The following SLC35D1 variants were observed in gnomAD, a reference collection of about 807,000 sequenced individuals.
The protein encoded by SLC35D1 is solute carrier family 35 member D1.
In SLC35D1, 31 loss-of-function variants were observed where a neutral mutation model predicts 46.7. The observed-to-expected ratio is 0.66, with a 90% CI of 0.50 to 0.90. The LOEUF is 0.90. SLC35D1 is among the 40% of genes least tolerant of loss of function. The probability of loss-of-function intolerance (pLI) is 0.00; values close to 1 mark genes in which losing one functional copy is unlikely to be tolerated. For missense variants in SLC35D1, 397 were observed against 426.2 expected (o/e 0.93, Z 0.60); for synonymous variants, 195 against 164.6 (o/e 1.18, Z -1.41).
chr1:67,026,656 T>C (rs1188094901), intron 8 of SLC35D1, among the ~76,000 whole-genome samples: 1 of 152,214 alleles, frequency 6.6e-6, no homozygotes, highest in African/African-American at 2.4e-5. Context: ...ATAGCCCTAT[T>C]ATTAATTAAG....
At chr1:67,016,175 A>G (rs1399644536) in intron 10 of SLC35D1, among the ~76,000 whole-genome samples, 1 of 152,068 alleles carries the variant, frequency 6.6e-6, no homozygotes, top group African/African-American at 2.4e-5. Context: ...AAAGATTTGA[A>G]ATGTCTTCAG....
chr1:67,043,326 T>C (rs772233774), intron 7 of SLC35D1, among the ~76,000 whole-genome samples: 1 of 152,006 alleles, frequency 6.6e-6, no homozygotes, highest in Non-Finnish European at 1.5e-5. Context: ...AGAACGAGAT[T>C]GTGCCCCTGT....
chr1:67,025,889 T>C (rs1667904301), intron 8 of SLC35D1, among the ~76,000 whole-genome samples: 1 of 152,228 alleles, frequency 6.6e-6, no homozygotes, highest in African/African-American at 2.4e-5. Context: ...TTTTTGCATA[T>C]TGACCTTGTA....
intron 7 of SLC35D1, among the ~76,000 whole-genome samples, chr1:67,044,005 CA>C (rs1463797896): frequency 6.6e-6 from 1 of 152,122 alleles, no homozygotes; most frequent in East Asian, 1.9e-4. Flanking sequence ...TCAAAAGCAG[CA>C]CTGAAAAATT....
Position 67,049,273 on chromosome 1 carries a change from G to A in SLC35D1, c.533+509C>T, listed in dbSNP as rs377257174. 1.5e-4 allele frequency among the ~76,000 whole-genome samples: 22 copies of A among 150,074 alleles called. No individual in the cohort carries two copies. The East Asian group carries it at 3.7e-3, about 25-fold the overall frequency. On this transcript the variant is annotated intron_variant, in intron 6 of 11. Coordinates refer to ENST00000235345, the MANE Select transcript of SLC35D1 (RefSeq NM_015139.3). ...CCCACTACTGGACTCCAGCCTGGGC[G>A]ACAGAGCAAGACTCCGTCTCAAAAA...
rs1478187638 is a variant in SLC35D1, at chr1:66,999,574, CAGCAT to C, written c.*4761_*4765del. ...CTGTAGACAAAAATCAGTTGATCATCAGCATGAGAAAGAAAACATTTGTGAAAAAA... is the reference window on the plus strand; with the variant it reads ...CTGTAGACAAAAATCAGTTGATCATCGAGAAAGAAAACATTTGTGAAAAAA... On this transcript the variant is annotated 3_prime_UTR_variant, in exon 12 of 12. Transcript: ENST00000235345. 1 of 152,020 alleles carries C rather than the reference CAGCAT, an allele frequency of 6.6e-6. No homozygotes were observed. The allele number at this position is 152,020 out of a possible 1,614,324, so 9.4% of individuals were successfully genotyped here. A position where few individuals can be genotyped will look rare whatever the true frequency, so the allele number is the denominator to read the frequency against.
chr1:67,049,617 A>G (rs1558167608), intron 6 of SLC35D1, among the ~76,000 whole-genome samples, 165 bp downstream of exon 6: 1 of 152,260 alleles, frequency 6.6e-6, no homozygotes, highest in Non-Finnish European at 1.5e-5. Context: ...GTCAACCTTT[A>G]TCTTAATACA....
intron 10 of SLC35D1, among the ~76,000 whole-genome samples, chr1:67,019,227 T>G (rs1667748348): frequency 6.6e-6 from 1 of 152,224 alleles, no homozygotes; most frequent in South Asian, 2.1e-4. Context: ...ATTTCTCACA[T>G]TCTCGCTACT....
intron 11 of SLC35D1, among the ~76,000 whole-genome samples, chr1:67,005,752 C>T (rs1667435117): frequency 6.6e-6 from 1 of 152,150 alleles, no homozygotes; most frequent in Admixed American, 6.5e-5. Flanking sequence ...GGCCAGAATA[C>T]AACCTAGGTC....
chr1:66,991,865 C>T, the SLC35D1 span, among the ~76,000 whole-genome samples: 1 of 151,590 alleles, frequency 6.6e-6, no homozygotes, highest in Non-Finnish European at 1.5e-5. Flanking sequence ...CAAGATTTCT[C>T]CTCTTCATCT....
chr1:66,973,956 C>T, the SLC35D1 span, among the ~76,000 whole-genome samples: 1 of 152,030 alleles, frequency 6.6e-6, no homozygotes, highest in Non-Finnish European at 1.5e-5. Flanking sequence ...TCTTTTTATA[C>T]ATTTGGATGT....
At chr1:67,034,048 A>AT (rs1268369112) in intron 8 of SLC35D1, among the ~76,000 whole-genome samples, 1 of 152,174 alleles carries the variant, frequency 6.6e-6, no homozygotes, top group Non-Finnish European at 1.5e-5. Flanking sequence ...TCACTGATCT[A>AT]TATGTCTGTT....
At chr1:67,021,744 CA>C in intron 8 of SLC35D1, 142 bp from the exon 9 acceptor site, 1 of 712,824 alleles carries the variant, frequency 1.4e-6, no homozygotes, top group Non-Finnish European at 2.5e-6. Flanking sequence ...CACACACACA[CA>C]CACACACACA....
intron 8 of SLC35D1, among the ~76,000 whole-genome samples, chr1:67,038,418 A>G (rs1185826999): frequency 6.6e-6 from 1 of 152,092 alleles, no homozygotes; most frequent in African/African-American, 2.4e-5. Context: ...TATACAGCGT[A>G]CCACAGAACT....
chr1:66,975,356 A>G, the SLC35D1 span, among the ~76,000 whole-genome samples: 1 of 152,028 alleles, frequency 6.6e-6, no homozygotes, highest in Non-Finnish European at 1.5e-5. Context: ...GCAAAACCCC[A>G]TCTCTACAAA....
the SLC35D1 span, chr1:66,986,769 C>G: frequency 7.5e-6 from 2 of 265,182 alleles, no homozygotes; most frequent in African/African-American, 2.2e-5. Flanking sequence ...TTTTGTTTTA[C>G]TTAAAACTTT....
At chr1:67,026,609 CT>C (rs1316830042) in intron 8 of SLC35D1, among the ~76,000 whole-genome samples, 1 of 152,088 alleles carries the variant, frequency 6.6e-6, no homozygotes, top group African/African-American at 2.4e-5. Context: ...AAGTTTTTAA[CT>C]ACAAATTCAA....
chr1:67,016,341 G>A (rs1255270212), intron 10 of SLC35D1, among the ~76,000 whole-genome samples: 1 of 151,966 alleles, frequency 6.6e-6, no homozygotes, highest in African/African-American at 2.4e-5. Flanking sequence ...TTTACAATCG[G>A]TAGAGTCCAA....
Position 67,000,760 on chromosome 1 carries a change from C to T in SLC35D1, c.*3580G>A, listed in dbSNP as rs533678925. On this transcript the variant is annotated 3_prime_UTR_variant, in exon 12 of 12. Transcript: ENST00000235345. Reference sequence around the variant, plus strand: ...AGTCTTGTTCATAGGAAAAACCAAACTTACAATTTTGGGAAAGCAAGAACA... The same window carrying T: ...AGTCTTGTTCATAGGAAAAACCAAATTTACAATTTTGGGAAAGCAAGAACA... 1.3e-5 allele frequency: 2 copies of T among 152,424 alleles called. No individual in the cohort carries two copies. Among genetic ancestry groups the T allele is most frequent in the South Asian group, 4.1e-4 (2 of 4,824 alleles). 9.4% of individuals were successfully genotyped at this position (152,424 alleles called of 1,614,324 possible).
Sources: allele counts gnomAD v4.1 joint callset (sites outside exome capture counted in the v4.1 genomes callset), GRCh38; gene constraint gnomAD v4.1.1; transcripts MANE v1.5; gene names NCBI Gene and HGNC (gene_info 2026-07-23, HGNC 2026-07-21).